Variants in PRKG1 observed in about 807,000 individuals in gnomAD.
PRKG1 encodes protein kinase cGMP-dependent 1.
PRKG1 carries 35 observed loss-of-function variants against 88.1 expected under a neutral mutation model. The observed-to-expected ratio is 0.40, with a 90% confidence interval of 0.30 to 0.53. PRKG1 has a LOEUF of 0.53. PRKG1 is among the 20% of genes least tolerant of loss of function. The probability of loss-of-function intolerance (pLI) is 0.59; values close to 1 mark genes in which losing one functional copy is unlikely to be tolerated. For synonymous variants in PRKG1, 303 were observed against 292.5 expected (o/e 1.04, Z -0.37); for missense variants, 540 against 839.8 (o/e 0.64, Z 4.41).
intron 2 of PRKG1, among the ~76,000 whole-genome samples, chr10:51,279,608 A>G (rs1243834160): frequency 6.6e-6 from 1 of 152,174 alleles, no homozygotes; most frequent in African/African-American, 2.4e-5. Flanking sequence ...TTCTTATTGA[A>G]TTGATTCCTT....
chr10:51,924,715 C>CT (rs200481363), intron 5 of PRKG1, among the ~76,000 whole-genome samples: 172 of 142,454 alleles, frequency 1.2e-3, no homozygotes, highest in East Asian at 0.01. Context: ...CTCGAATATT[C>CT]TTTTTTTTTT....
At chr10:51,138,675 G>GGT (rs1845746747) in intron 1 of PRKG1, among the ~76,000 whole-genome samples, 1 of 68,490 alleles carries the variant, frequency 1.5e-5, no homozygotes, top group Non-Finnish European at 2.8e-5. Flanking sequence ...ATTGAGTTTT[G>GGT]TTTTTTTTTT....
intron 2 of PRKG1, among the ~76,000 whole-genome samples, chr10:51,433,690 A>T (rs1297711492): frequency 6.6e-6 from 1 of 152,156 alleles, no homozygotes; most frequent in Non-Finnish European, 1.5e-5. Flanking sequence ...GTGTTCACAT[A>T]GAACTATGTG....
intron 7 of PRKG1, among the ~76,000 whole-genome samples, chr10:52,110,285 TCG>T (rs1847530995): frequency 1.3e-5 from 2 of 151,966 alleles, no homozygotes; most frequent in South Asian, 4.2e-4. Context: ...TGAGCGGAGA[TCG>T]CGCCACTGCA....
At chr10:51,658,577 GA>G (rs138207238) in intron 3 of PRKG1, among the ~76,000 whole-genome samples, 14,714 of 144,996 alleles carry the variant, frequency 0.1, 894 homozygotes, top group Admixed American at 0.14. Flanking sequence ...TGCTGTGAGG[GA>G]AAAAAAAAAA....
intron 3 of PRKG1, among the ~76,000 whole-genome samples, chr10:51,495,338 G>T (rs1056591555): frequency 2.5e-4 from 38 of 152,174 alleles, no homozygotes; most frequent in Non-Finnish European, 7.3e-5. Flanking sequence ...CAAGTGGTCT[G>T]CCCGCCTCGG....
At chr10:51,573,981 T>TA (rs1382140383) in intron 3 of PRKG1, among the ~76,000 whole-genome samples, 3 of 151,896 alleles carry the variant, frequency 2.0e-5, no homozygotes, top group African/African-American at 7.2e-5. Flanking sequence ...ACCACAACAT[T>TA]AGGCAATGAA....
chr10:51,235,718 T>A (rs543590410), intron 2 of PRKG1, among the ~76,000 whole-genome samples: 2 of 152,250 alleles, frequency 1.3e-5, no homozygotes, highest in Admixed American at 1.3e-4. Context: ...ATGAAAAGGA[T>A]AAAACCATTT....
chr10:51,322,705 C>T (rs1841487465), intron 2 of PRKG1, among the ~76,000 whole-genome samples: 2 of 151,934 alleles, frequency 1.3e-5, no homozygotes, highest in African/African-American at 4.8e-5. Context: ...ACAGAAAGAC[C>T]CTTATTTAGA....
At chr10:51,136,897 TATTA>T (rs1290825187) in intron 1 of PRKG1, among the ~76,000 whole-genome samples, 2 of 152,180 alleles carry the variant, frequency 1.3e-5, no homozygotes, top group African/African-American at 2.4e-5. Flanking sequence ...TTTTAGTAAT[TATTA>T]ATTAATTGTT....
At chr10:52,260,522 T>C (rs1841408771) in intron 10 of PRKG1, among the ~76,000 whole-genome samples, 1 of 152,272 alleles carries the variant, frequency 6.6e-6, no homozygotes, top group African/African-American at 2.4e-5. Flanking sequence ...AATATAAATA[T>C]TCAACTTCAC....
intron 3 of PRKG1, among the ~76,000 whole-genome samples, chr10:51,625,830 A>G (rs1359665579): frequency 1.3e-5 from 2 of 152,192 alleles, no homozygotes. Flanking sequence ...GTCACAGTCA[A>G]TGAAAAGACA....
chr10:51,537,727 C>CAA (rs33928221), intron 3 of PRKG1, among the ~76,000 whole-genome samples: 27,832 of 107,062 alleles, frequency 0.26, 4,647 homozygotes, highest in East Asian at 0.81. Flanking sequence ...GAGTCTGTCT[C>CAA]AAAAAAAAAA....
At position 51,339,756 on chromosome 10, in the gene PRKG1, A is replaced by G. The variant is rs74131612; in HGVS notation, c.479-127967A>G. Among the ~76,000 whole-genome samples, 1,240 of 152,122 alleles carry G rather than the reference A, an allele frequency of 8.2e-3. 16 individuals are homozygous for G. The highest frequency in any genetic ancestry group is 0.029 in the African/African-American group (1,187 of 41,544). ...ATTCTACAGTATCATTCCAAAAGCC[A>G]TATAGAAGAACTCCATATGATGAAA... On this transcript the variant is annotated intron_variant, in intron 2 of 17. Transcript: ENST00000373980.
At chr10:51,908,734 A>ATATATTTTTTTT (rs563212069) in intron 5 of PRKG1, 1 of 52,222 alleles carries the variant, frequency 1.9e-5, no homozygotes, top group Admixed American at 2.1e-4. Context: ...TCTATATGTA[A>ATATATTTTTTTT]TTTTTTTTTT....
chr10:51,205,127 C>CTTTCTTTTTTTTTTTTTTTTTTTT lies in PRKG1; in HGVS notation c.478+51800_478+51801insCTTTTTTTTTTTTTTTTTTTTTTT, dbSNP rs1433048297. 5.3e-3 allele frequency among the ~76,000 whole-genome samples: 342 copies of CTTTCTTTTTTTTTTTTTTTTTTTT among 64,024 alleles called. 80 individuals are homozygous for CTTTCTTTTTTTTTTTTTTTTTTTT. Among genetic ancestry groups the CTTTCTTTTTTTTTTTTTTTTTTTT allele is most frequent in the Non-Finnish European group, 6.0e-3 (198 of 33,246 alleles). The allele number at this position is 64,024 out of a possible 152,430, so 42.0% of individuals were successfully genotyped here. On this transcript the variant is annotated intron_variant, in intron 2 of 17. Coordinates refer to ENST00000373980, the MANE Select transcript of PRKG1 (RefSeq NM_006258.4). ...TAAGGAAGAATTTTCATTTTCTTTT[C>CTTTCTTTTTTTTTTTTTTTTTTTT]TTTTTTTTTTTTTTTTTTTTTTTTT... is the stretch of plus-strand genomic sequence containing the variant.
chr10:52,249,962 C>T (rs889432175), intron 9 of PRKG1, among the ~76,000 whole-genome samples: 5 of 152,200 alleles, frequency 3.3e-5, no homozygotes, highest in African/African-American at 1.2e-4. Flanking sequence ...ATTATCCAGG[C>T]GGCCAGGAAA....
intron 2 of PRKG1, among the ~76,000 whole-genome samples, chr10:51,330,685 A>T (rs1841717348): frequency 6.8e-6 from 1 of 147,894 alleles, no homozygotes; most frequent in African/African-American, 2.5e-5. Flanking sequence ...ACTTTTTTCA[A>T]ATCCTGTATT....
chr10:51,673,305 A>G (rs574371249), intron 3 of PRKG1, among the ~76,000 whole-genome samples: 1 of 152,340 alleles, frequency 6.6e-6, no homozygotes, highest in Admixed American at 6.5e-5. Flanking sequence ...TATTTTATGA[A>G]GAGTAGCCGG....
Sources: allele counts gnomAD v4.1 joint callset (sites outside exome capture counted in the v4.1 genomes callset), GRCh38; gene constraint gnomAD v4.1.1; transcripts MANE v1.5; gene names NCBI Gene and HGNC (gene_info 2026-07-23, HGNC 2026-07-21).